Variants in ENOX2 observed in about 807,000 individuals in gnomAD.
ENOX2 encodes ecto-NOX disulfide-thiol exchanger 2, also known as APK1 antigen.
ENOX2 carries 36 observed loss-of-function variants against 45.0 expected under a neutral mutation model. The ratio of observed to expected loss-of-function variants is 0.80; its 90% CI spans 0.61 to 1.06. The LOEUF is 1.06. Ranked by LOEUF, ENOX2 falls within the 50% of genes least tolerant of loss-of-function variation. The pLI is 0.00. For synonymous variants in ENOX2, 174 were observed against 152.3 expected, an observed-to-expected ratio of 1.14 and a Z score of -1.05; for missense variants, 423 against 462.5, an observed-to-expected ratio of 0.91 and a Z score of 0.78.
At chrX:130,864,354 T>C (rs1190555524) in intron 2 of ENOX2, among the ~76,000 whole-genome samples, 2 of 110,658 alleles carry the variant, frequency 1.8e-5, no homozygotes, top group African/African-American at 3.3e-5. Flanking sequence ...AGCTTGAAAG[T>C]GGATCCTCTC....
chrX:130,705,451 T>C (rs1248645481), intron 3 of ENOX2, among the ~76,000 whole-genome samples: 2 of 112,299 alleles, frequency 1.8e-5, no homozygotes, highest in Non-Finnish European at 3.8e-5. Flanking sequence ...TCAAAATGTA[T>C]AGTAATTCAC....
chrX:130,720,946 T>G (rs1440740666), intron 3 of ENOX2, among the ~76,000 whole-genome samples: 1 of 112,031 alleles, frequency 8.9e-6, no homozygotes, highest in Non-Finnish European at 1.9e-5. Flanking sequence ...CGCATGAATG[T>G]TACCAGTAAG....
intron 3 of ENOX2, among the ~76,000 whole-genome samples, chrX:130,759,315 C>T (rs145553789): frequency 9.0e-6 from 1 of 111,056 alleles, no homozygotes; most frequent in South Asian, 3.8e-4. Context: ...ATGCCCTCCA[C>T]TGAATTGTTT....
chrX:130,660,075 A>G (rs916012307), intron 9 of ENOX2, among the ~76,000 whole-genome samples: 1 of 111,858 alleles, frequency 8.9e-6, no homozygotes, highest in African/African-American at 3.2e-5. Flanking sequence ...ACTGATAATA[A>G]AGTAAGGGTA....
intron 2 of ENOX2, among the ~76,000 whole-genome samples, chrX:130,820,875 C>G (rs1368687635): frequency 9.0e-6 from 1 of 111,716 alleles, no homozygotes; most frequent in Non-Finnish European, 1.9e-5. Context: ...GGACTAAATT[C>G]AAGAGATCTA....
At chrX:130,628,683 C>G (rs1025276743) in intron 13 of ENOX2, among the ~76,000 whole-genome samples, 2 of 112,118 alleles carry the variant, frequency 1.8e-5, no homozygotes, top group Non-Finnish European at 3.8e-5. Flanking sequence ...GCATTCCATG[C>G]TTAGAGCCTT....
At chrX:130,699,971 A>G (rs891958718) in intron 4 of ENOX2, among the ~76,000 whole-genome samples, 1 of 112,402 alleles carries the variant, frequency 8.9e-6, no homozygotes, top group Non-Finnish European at 1.9e-5. Flanking sequence ...TGAGCCAGGC[A>G]TCATTCTAAG....
rs2035956296 is a variant in ENOX2, at chrX:130,637,313, T to C, written c.1227A>G (p.Glu409=). The change falls in exon 11 of 15, where the codon GAA becomes GAG. Residue 409 remains glutamate, a synonymous_variant. Coordinates refer to ENST00000394363, the MANE Select transcript of ENOX2 (RefSeq NM_006375.4). Reference sequence around the variant, plus strand: ...CATCTTCTCTGTGGACTTTGCCTTGTTCTTGCTTGAGCAGTTCTACTTCAT... The same window carrying C: ...CATCTTCTCTGTGGACTTTGCCTTGCTCTTGCTTGAGCAGTTCTACTTCAT... ...YRNEVELLKQ[E]QGKVHREDDP... 1.7e-6 allele frequency: 2 copies of C among 1,209,564 alleles called. No homozygotes were observed. Among genetic ancestry groups the C allele is most frequent in the Non-Finnish European group, 2.2e-6 (2 of 894,726 alleles).
In ENOX2 at chrX:130,631,486, G is replaced by A. The variant is rs752613231; in HGVS notation, c.1510C>T (p.Arg504Cys). Residue 504 changes from arginine (R) to cysteine (C), a missense_variant, in exon 13 of 15, where the codon CGT becomes TGT. Around this residue, in one of 5 missense-constraint regions of ENOX2, gnomAD observed 108 missense variants for 70.6 expected, o/e 1.53. Transcript: ENST00000394363. ...TCCTTACCCACTAGCAGTGCTTCAC[G>A]TTCAGATTTGATAGGACTGCTGTTC... ...TMNSSPIKSEREALLVGIIST... is the reference protein window; with the variant it reads ...TMNSSPIKSECEALLVGIIST... 2.5e-6 allele frequency: 3 copies of A among 1,182,434 alleles called. No homozygotes were observed. Among genetic ancestry groups the A allele is most frequent in the Non-Finnish European group, 2.3e-6 (2 of 870,265 alleles).
intron 10 of ENOX2, among the ~76,000 whole-genome samples, chrX:130,649,319 A>C (rs1488402731): frequency 3.0e-5 from 3 of 98,994 alleles, no homozygotes; most frequent in Non-Finnish European, 6.1e-5. Flanking sequence ...AAGTATATAC[A>C]AAAAAAAAAA....
At chrX:130,877,582 TTCTC>T (rs1318466864) in intron 2 of ENOX2, among the ~76,000 whole-genome samples, 1 of 112,122 alleles carries the variant, frequency 8.9e-6, no homozygotes, top group Non-Finnish European at 1.9e-5. Flanking sequence ...TGCAATGCTT[TTCTC>T]TCTGTCAATA....
At chrX:130,880,831 G>A (rs2078795939) in intron 2 of ENOX2, among the ~76,000 whole-genome samples, 1 of 112,384 alleles carries the variant, frequency 8.9e-6, no homozygotes, top group Non-Finnish European at 1.9e-5. Context: ...AATGCAGAGT[G>A]CAGCTCGCAT....
Position 130,667,706 on chromosome X carries a change from A to G in ENOX2, c.731T>C (p.Leu244Pro). Residue 244 changes from leucine (L) to proline (P), a missense_variant, in exon 8 of 15, where the codon CTT (leucine) becomes CCT (proline). By Grantham distance (98) the Leu-to-Pro change is moderately conservative. This residue lies in a region of ENOX2 where 261 missense variants were observed against 306.8 expected (regional missense o/e 0.85). Coordinates refer to ENST00000394363, the MANE Select transcript of ENOX2 (RefSeq NM_006375.4). Reference sequence around the variant, plus strand: ...GACCTCTCCTCGCTCTATCCAGGTAAGCAAGGTCTGTACAGCTTCTGAGAA... The same window carrying G: ...GACCTCTCCTCGCTCTATCCAGGTAGGCAAGGTCTGTACAGCTTCTGAGAA... ...SKFSEAVQTL[L>P]TWIERGEVNR... 1 of 1,210,211 alleles carries G rather than the reference A, an allele frequency of 8.3e-7. No homozygotes were observed. Among genetic ancestry groups the G allele is most frequent in the South Asian group, 1.8e-5 (1 of 56,927 alleles).
At chrX:130,632,144 A>T (rs1238517920) in intron 12 of ENOX2, among the ~76,000 whole-genome samples, 1 of 110,814 alleles carries the variant, frequency 9.0e-6, no homozygotes, top group South Asian at 3.8e-4. Context: ...TTTGAACTAA[A>T]AATTAGAGCT....
intron 3 of ENOX2, among the ~76,000 whole-genome samples, chrX:130,718,195 C>T (rs2038378564): frequency 8.9e-6 from 1 of 111,963 alleles, no homozygotes; most frequent in African/African-American, 3.2e-5. Context: ...GCAGTGAATC[C>T]GTATGTAAAG....
At chrX:130,785,142 A>G (rs1279600670) in intron 2 of ENOX2, among the ~76,000 whole-genome samples, 2 of 108,415 alleles carry the variant, frequency 1.8e-5, no homozygotes, top group African/African-American at 6.7e-5. Context: ...CCTGACCAAC[A>G]TGGAGAAACC....
At chrX:130,757,399 T>G (rs1199167899) in intron 3 of ENOX2, among the ~76,000 whole-genome samples, 1 of 112,283 alleles carries the variant, frequency 8.9e-6, no homozygotes, top group Non-Finnish European at 1.9e-5. Context: ...AGAAAGATCC[T>G]GATTAGTTCC....
intron 3 of ENOX2, among the ~76,000 whole-genome samples, chrX:130,764,542 G>A (rs1456434746): frequency 1.9e-5 from 2 of 107,375 alleles, no homozygotes; most frequent in African/African-American, 6.8e-5. Context: ...AGTGTGTGTA[G>A]CAAAGAATGA....
chrX:130,709,858 T>C (rs1190817099), intron 3 of ENOX2, among the ~76,000 whole-genome samples: 1 of 108,514 alleles, frequency 9.2e-6, no homozygotes, highest in African/African-American at 3.4e-5. Context: ...GGTAGTTTGC[T>C]GCACCCATCA....
Sources: gnomAD v4.1 joint callset for allele counts (sites outside exome capture counted in the v4.1 genomes callset) on GRCh38, gnomAD v4.1.1 for gene constraint, gnomAD v4.1.1 regional missense constraint, MANE v1.5 for transcripts, NCBI Gene and HGNC (gene_info 2026-07-23, HGNC 2026-07-21) for gene names.